The following PLEKHA7 variants were observed in gnomAD, a reference collection of about 807,000 sequenced individuals.
PLEKHA7 encodes pleckstrin homology domain-containing family A member 7.
In PLEKHA7, 104 loss-of-function variants were observed where a neutral mutation model predicts 170.0. The observed-to-expected ratio is 0.61, with a 90% CI of 0.52 to 0.72. The LOEUF (loss-of-function observed/expected upper bound fraction) is 0.72. Among genes scored for constraint, PLEKHA7 ranks in the 30% least tolerant of loss-of-function variants. PLEKHA7 has a pLI of 0.00. For synonymous variants in PLEKHA7, 648 were observed against 660.8 expected (o/e 0.98, Z 0.30); for missense variants, 1,615 against 1,671.7 (o/e 0.97, Z 0.59).
intron 9 of PLEKHA7, among the ~76,000 whole-genome samples, chr11:16,827,471 T>C (rs1850746791): frequency 6.6e-6 from 1 of 152,194 alleles, no homozygotes; most frequent in African/African-American, 2.4e-5. Context: ...GGCTTTGCTC[T>C]ACTGCCTCTC....
chr11:16,959,145 A>G (rs1278091432), intron 3 of PLEKHA7, among the ~76,000 whole-genome samples: 1 of 152,198 alleles, frequency 6.6e-6, no homozygotes, highest in East Asian at 1.9e-4. Context: ...ACGTAAACAC[A>G]TGTCACATGG....
Position 17,014,047 on chromosome 11 carries a change from C to G in PLEKHA7, c.164-1G>C, listed in dbSNP as rs749007477. 1.3e-6 allele frequency: 2 copies of G among 1,564,308 alleles called. No individual in the cohort carries two copies. The highest frequency in any genetic ancestry group is 1.7e-6 in the Non-Finnish European group (2 of 1,155,314). On this transcript the variant is annotated splice_acceptor_variant, in intron 2 of 26. Transcript: ENST00000531066. LOFTEE classifies it high-confidence loss of function. ...CCCTCCTCCCAGCCGCGGGGCAGGTCTGCGGAAACGCCAGAAAAGTCGGGT... is the reference window on the plus strand; with the variant it reads ...CCCTCCTCCCAGCCGCGGGGCAGGTGTGCGGAAACGCCAGAAAAGTCGGGT...
At chr11:16,997,456 G>A (rs1864408401) in intron 3 of PLEKHA7, among the ~76,000 whole-genome samples, 1 of 152,122 alleles carries the variant, frequency 6.6e-6, no homozygotes, top group Admixed American at 6.5e-5. Flanking sequence ...ATCTCTAGAG[G>A]GAGTCAAGTC....
chr11:16,904,944 C>T (rs1857560691), intron 3 of PLEKHA7, among the ~76,000 whole-genome samples: 1 of 152,166 alleles, frequency 6.6e-6, no homozygotes, highest in Non-Finnish European at 1.5e-5. Flanking sequence ...ATATCATGTA[C>T]ACCTATTTAA....
chr11:16,913,250 T>C (rs1255144514), intron 3 of PLEKHA7, among the ~76,000 whole-genome samples: 6 of 152,122 alleles, frequency 3.9e-5, no homozygotes, highest in South Asian at 2.1e-4. Context: ...CATTTTTTTT[T>C]CCCCCAAAGA....
chr11:16,820,859 C>T (rs1166489794), intron 10 of PLEKHA7, among the ~76,000 whole-genome samples: 6 of 152,160 alleles, frequency 3.9e-5, no homozygotes, highest in Non-Finnish European at 8.8e-5. Context: ...CCCCAAGGTA[C>T]CAGTGCAATG....
chr11:16,897,853 G>A (rs1055569827), intron 3 of PLEKHA7, among the ~76,000 whole-genome samples: 3 of 152,084 alleles, frequency 2.0e-5, no homozygotes, highest in Non-Finnish European at 4.4e-5. Context: ...TGTGCAGTTC[G>A]GTGCTGCAAG....
chr11:16,804,912 G>A (rs771798087), intron 13 of PLEKHA7, among the ~76,000 whole-genome samples: 15 of 152,142 alleles, frequency 9.9e-5, no homozygotes, highest in Non-Finnish European at 1.9e-4. Flanking sequence ...GCAGGGAGGT[G>A]TGGGGAGGTG....
intron 3 of PLEKHA7, among the ~76,000 whole-genome samples, chr11:16,902,038 T>G (rs988146892): frequency 6.6e-6 from 1 of 152,186 alleles, no homozygotes; most frequent in African/African-American, 2.4e-5. Flanking sequence ...CCACTTTCTA[T>G]CTCTCTGGAT....
intron 23 of PLEKHA7, 152 bp from the exon 24 acceptor site, chr11:16,786,539 C>T (rs76355744): frequency 4.7e-5 from 46 of 985,274 alleles, no homozygotes; most frequent in Non-Finnish European, 1.4e-5. Context: ...GCTGCTGTCC[C>T]CTTCATATGG....
At chr11:16,862,930 A>T (rs2135552223) in intron 4 of PLEKHA7, among the ~76,000 whole-genome samples, 1 of 148,124 alleles carries the variant, frequency 6.8e-6, no homozygotes, top group Non-Finnish European at 1.5e-5. Flanking sequence ...GCCAGCATCT[A>T]GAGACAAGGT....
chr11:16,779,884 C>A (rs934183029), intron 26 of PLEKHA7, among the ~76,000 whole-genome samples: 6 of 151,856 alleles, frequency 4.0e-5, no homozygotes, highest in South Asian at 4.1e-4. Flanking sequence ...GAACTCACAT[C>A]AAAGGGGTTC....
At chr11:16,896,176 T>C (rs1052657833) in intron 3 of PLEKHA7, among the ~76,000 whole-genome samples, 2 of 152,222 alleles carry the variant, frequency 1.3e-5, no homozygotes, top group Non-Finnish European at 2.9e-5. Context: ...AGACACTTCT[T>C]CCAAGATGTC....
chr11:16,828,298 G>A (rs989450299), intron 9 of PLEKHA7, among the ~76,000 whole-genome samples: 29 of 152,238 alleles, frequency 1.9e-4, no homozygotes, highest in African/African-American at 6.5e-4. Flanking sequence ...GAGATCTGAC[G>A]GTTTTAGAAG....
intron 3 of PLEKHA7, among the ~76,000 whole-genome samples, chr11:16,958,902 T>C (rs1214777760): frequency 6.6e-6 from 1 of 151,630 alleles, no homozygotes; most frequent in Non-Finnish European, 1.5e-5. Flanking sequence ...CAGTACCCAT[T>C]GGAAAAACAG....
chr11:16,889,264 T>C (rs1046538692), intron 3 of PLEKHA7, among the ~76,000 whole-genome samples: 6 of 151,754 alleles, frequency 4.0e-5, no homozygotes, highest in African/African-American at 1.5e-4. Flanking sequence ...CTGCTAACAA[T>C]AGATGACCAT....
chr11:16,849,097 G>A (rs1022992499), intron 8 of PLEKHA7, among the ~76,000 whole-genome samples: 3 of 152,066 alleles, frequency 2.0e-5, no homozygotes, highest in South Asian at 2.1e-4. Context: ...CTCTGCTCTC[G>A]GATCCTGAGG....
chr11:16,942,290 G>A (rs76018138), intron 3 of PLEKHA7, among the ~76,000 whole-genome samples: 2,646 of 152,252 alleles, frequency 0.017, 74 homozygotes, highest in African/African-American at 0.059. Context: ...TGCAGGAGAC[G>A]CCCTGAAGGC....
At chr11:16,998,052 G>T (rs540999190) in intron 3 of PLEKHA7, among the ~76,000 whole-genome samples, 1 of 152,288 alleles carries the variant, frequency 6.6e-6, no homozygotes, top group Admixed American at 6.5e-5. Context: ...CTGAGCCTCA[G>T]TTTCCCCATC....
Sources: allele counts gnomAD v4.1 joint callset (sites outside exome capture counted in the v4.1 genomes callset), GRCh38; gene constraint gnomAD v4.1.1; transcripts MANE v1.5; gene names NCBI Gene and HGNC (gene_info 2026-07-23, HGNC 2026-07-21).